UBE3D: variants seen among roughly 807,000 people sequenced by gnomAD.
UBE3D encodes the protein E3 ubiquitin-protein ligase E3D.
UBE3D carries 48 observed loss-of-function variants against 49.6 expected under a neutral mutation model. That is an observed-to-expected ratio of 0.97 (90% CI 0.77 to 1.23). UBE3D has a LOEUF of 1.23. Among genes scored for constraint, UBE3D ranks in the 50% most tolerant of loss-of-function variants. The pLI, the probability that UBE3D is intolerant of heterozygous loss-of-function variation, is 0.00. For synonymous variants in UBE3D, 189 were observed against 174.2 expected, an observed-to-expected ratio of 1.08 and a Z score of -0.67; for missense variants, 452 against 468.4, an observed-to-expected ratio of 0.96 and a Z score of 0.32.
intron 8 of UBE3D, among the ~76,000 whole-genome samples, chr6:83,007,155 A>G (rs891300958): frequency 6.6e-6 from 1 of 152,180 alleles, no homozygotes; most frequent in Non-Finnish European, 1.5e-5. Context: ...AATATGTAGC[A>G]AAATAAAGAA....
In UBE3D at chr6:82,977,113, C is replaced by CAA. The variant is rs58424434; in HGVS notation, c.1011-19665_1011-19664dup. On this transcript the variant is annotated intron_variant, in intron 8 of 9. Transcript: ENST00000369747. ...TGGGTGATAGAGCAAGACTCCATCTCAAAAAAAAAAAAAAAAAAAAAAAAA... is the reference window on the plus strand; with the variant it reads ...TGGGTGATAGAGCAAGACTCCATCTCAAAAAAAAAAAAAAAAAAAAAAAAAAA... 2.1e-3 allele frequency among the ~76,000 whole-genome samples: 89 copies of CAA among 42,594 alleles called. 2 individuals are homozygous for CAA. Among genetic ancestry groups the CAA allele is most frequent in the African/African-American group, 7.2e-3 (64 of 8,910 alleles). The allele number at this position is 42,594 out of a possible 152,430, so 27.9% of individuals were successfully genotyped here.
intron 4 of UBE3D, among the ~76,000 whole-genome samples, chr6:83,043,096 A>G (rs1447331600): frequency 6.6e-6 from 1 of 152,236 alleles, no homozygotes; most frequent in Admixed American, 6.5e-5. Flanking sequence ...AATGGATAAG[A>G]TAGCTGTTTA....
chr6:82,960,087 A>C lies in UBE3D; in HGVS notation c.1011-2637T>G, dbSNP rs140884872. Among the ~76,000 whole-genome samples, 269 of 152,322 alleles carry C rather than the reference A, an allele frequency of 1.8e-3. 2 individuals are homozygous for C. Among genetic ancestry groups the C allele is most frequent in the African/African-American group, 5.4e-3 (226 of 41,566 alleles). ...TAGCTCAGGAAGGCATCCTGTCCACACAGCCTCATGAGACTCCAATTTCTC... is the reference window on the plus strand; with the variant it reads ...TAGCTCAGGAAGGCATCCTGTCCACCCAGCCTCATGAGACTCCAATTTCTC... On this transcript the variant is annotated intron_variant, in intron 8 of 9. Transcript: ENST00000369747.
chr6:82,887,075 G>A, the UBE3D span, among the ~76,000 whole-genome samples: 48 of 151,496 alleles, frequency 3.2e-4, no homozygotes, highest in African/African-American at 4.6e-4. Flanking sequence ...AGGCTAAGGC[G>A]GGTGGACCAC....
chr6:83,010,850 G>T (rs1030582554), intron 8 of UBE3D, among the ~76,000 whole-genome samples: 3 of 152,032 alleles, frequency 2.0e-5, no homozygotes, highest in Admixed American at 1.3e-4. Context: ...CCCAGATTAA[G>T]GGTAGATCTG....
chr6:82,972,421 C>T (rs1023590078), intron 8 of UBE3D, among the ~76,000 whole-genome samples: 3 of 152,198 alleles, frequency 2.0e-5, no homozygotes, highest in Admixed American at 2.0e-4. Flanking sequence ...CTGTCCCTCC[C>T]TCCATGGGAA....
intron 9 of UBE3D, among the ~76,000 whole-genome samples, chr6:82,904,820 C>T (rs1010010141): frequency 2.0e-4 from 31 of 152,220 alleles, no homozygotes; most frequent in African/African-American, 7.0e-4. Context: ...CTACCAGTGA[C>T]AGTCACTGAA....
chr6:82,896,932 G>A (rs1044531530), intron 9 of UBE3D, among the ~76,000 whole-genome samples: 2 of 151,654 alleles, frequency 1.3e-5, no homozygotes, highest in Non-Finnish European at 2.9e-5. Context: ...GTAGAGATGG[G>A]GTTTCACCAT....
intron 8 of UBE3D, among the ~76,000 whole-genome samples, chr6:82,966,115 A>G (rs1045736777): frequency 2.6e-5 from 4 of 152,192 alleles, no homozygotes; most frequent in African/African-American, 9.7e-5. Flanking sequence ...AGATCCATAT[A>G]TTGCAACTGA....
intron 9 of UBE3D, among the ~76,000 whole-genome samples, chr6:82,911,055 T>C (rs1055059169): frequency 1.3e-5 from 2 of 152,104 alleles, no homozygotes; most frequent in Admixed American, 1.3e-4. Flanking sequence ...ATCAGCAGTC[T>C]AAAAATAATT....
intron 8 of UBE3D, among the ~76,000 whole-genome samples, chr6:83,014,950 C>A (rs1780591786): frequency 1.3e-5 from 2 of 152,184 alleles, no homozygotes; most frequent in African/African-American, 4.8e-5. Flanking sequence ...CTTCTAGGAA[C>A]ATCGTAATTA....
intron 9 of UBE3D, among the ~76,000 whole-genome samples, chr6:82,922,926 G>A (rs1218336093): frequency 6.6e-6 from 1 of 152,124 alleles, no homozygotes; most frequent in Non-Finnish European, 1.5e-5. Flanking sequence ...CTCAAAAGAA[G>A]ACATTTATGC....
intron 9 of UBE3D, among the ~76,000 whole-genome samples, chr6:82,955,413 G>T (rs12213278): frequency 0.16 from 24,359 of 151,994 alleles, 1,989 homozygotes; most frequent in South Asian, 0.17. Context: ...CTCACCCATG[G>T]CATGCAAATT....
chr6:83,011,594 T>C (rs553402382), intron 8 of UBE3D, among the ~76,000 whole-genome samples: 66 of 152,312 alleles, frequency 4.3e-4, no homozygotes, highest in African/African-American at 1.6e-3. Context: ...GTAGACTGAT[T>C]TCATCTTGAC....
chr6:83,041,736 A>G (rs1782685516), intron 4 of UBE3D, among the ~76,000 whole-genome samples: 1 of 152,194 alleles, frequency 6.6e-6, no homozygotes. Context: ...ACCAAAAGCA[A>G]CTAATAATTA....
At chr6:82,921,191 G>A (rs1158879012) in intron 9 of UBE3D, among the ~76,000 whole-genome samples, 2 of 152,050 alleles carry the variant, frequency 1.3e-5, no homozygotes, top group Admixed American at 6.6e-5. Context: ...TGAGCTCAAG[G>A]GATCTGCCCA....
chr6:83,004,624 T>C (rs1779850407), intron 8 of UBE3D, among the ~76,000 whole-genome samples: 1 of 152,196 alleles, frequency 6.6e-6, no homozygotes, highest in Admixed American at 6.5e-5. Context: ...TAATGTTCTT[T>C]AGGATTTGGT....
intron 5 of UBE3D, among the ~76,000 whole-genome samples, chr6:83,030,611 AG>A (rs1253732711): frequency 1.3e-5 from 2 of 152,170 alleles, no homozygotes; most frequent in Non-Finnish European, 2.9e-5. Context: ...TGGTACTAGT[AG>A]AGTGGGGTGT....
In UBE3D at chr6:83,012,728, C is replaced by A. The variant is rs192291523; in HGVS notation, c.1010+6245G>T. 4.6e-5 allele frequency among the ~76,000 whole-genome samples: 7 copies of A among 152,350 alleles called. No individual in the cohort carries two copies. The East Asian group carries it at 1.3e-3, about 29-fold the overall frequency. ...AATCATGCTTCTTCCAAATGTCTGA[C>A]CATGTCAAACCATTGGCTACAGCCC... is the stretch of plus-strand genomic sequence containing the variant. On this transcript the variant is annotated intron_variant, in intron 8 of 9. Coordinates refer to ENST00000369747, the MANE Select transcript of UBE3D (RefSeq NM_198920.3).
Sources: allele counts gnomAD v4.1 joint callset (sites outside exome capture counted in the v4.1 genomes callset), GRCh38; gene constraint gnomAD v4.1.1; transcripts MANE v1.5; gene names NCBI Gene and HGNC (gene_info 2026-07-23, HGNC 2026-07-21).